Variants in GSE1 observed in about 807,000 individuals in gnomAD.
GSE1 encodes genetic suppressor element 1.
GSE1 carries 32 observed loss-of-function variants against 112.6 expected under a neutral mutation model. The ratio of observed to expected loss-of-function variants is 0.28; its 90% CI spans 0.21 to 0.38. The LOEUF is 0.38. Ranked by LOEUF, GSE1 falls within the 10% of genes least tolerant of loss-of-function variation. GSE1 has a pLI of 1.00. For synonymous variants in GSE1, 1,115 were observed against 735.6 expected, an observed-to-expected ratio of 1.52 and a Z score of -8.35; for missense variants, 2,348 against 1,699.2, an observed-to-expected ratio of 1.38 and a Z score of -6.71.
intron 1 of GSE1, among the ~76,000 whole-genome samples, chr16:85,632,348 C>G (rs990211316): frequency 1.7e-4 from 26 of 152,124 alleles, no homozygotes; most frequent in African/African-American, 6.3e-4. Context: ...TCTCTGTTCT[C>G]TCATTTGCAG....
chr16:85,249,334 G>A (rs1378794330), intron 1 of GSE1, among the ~76,000 whole-genome samples: 1 of 152,234 alleles, frequency 6.6e-6, no homozygotes, highest in African/African-American at 2.4e-5. Context: ...GCAGAAGGGG[G>A]CATGGGGCCC....
chr16:85,599,956 T>G (rs1448947014), intron 1 of GSE1, among the ~76,000 whole-genome samples: 2 of 152,134 alleles, frequency 1.3e-5, no homozygotes, highest in African/African-American at 4.8e-5. Context: ...CTCTCTAAAA[T>G]GGGAGGGCGG....
chr16:85,299,009 G>A (rs186160007), intron 1 of GSE1, among the ~76,000 whole-genome samples: 27 of 152,320 alleles, frequency 1.8e-4, no homozygotes, highest in Non-Finnish European at 3.5e-4. Flanking sequence ...GTCCGTCCTC[G>A]CTGCTGGAGG....
chr16:85,194,886 G>A (rs1343285105), intron 1 of GSE1, among the ~76,000 whole-genome samples: 4 of 152,122 alleles, frequency 2.6e-5, no homozygotes, highest in African/African-American at 9.7e-5. Flanking sequence ...TTTAAGAAGA[G>A]GCTAAAAGTG....
chr16:85,446,137 G>C (rs1022054931), intron 2 of GSE1, among the ~76,000 whole-genome samples: 1 of 152,176 alleles, frequency 6.6e-6, no homozygotes, highest in Non-Finnish European at 1.5e-5. Flanking sequence ...GCCTGGCCCT[G>C]GCATCCCACC....
At chr16:85,623,088 C>T (rs1463883093) in intron 1 of GSE1, among the ~76,000 whole-genome samples, 2 of 152,094 alleles carry the variant, frequency 1.3e-5, no homozygotes, top group Admixed American at 6.5e-5. Context: ...AAACTGGGCA[C>T]CTTCTCGTTG....
In GSE1 at chr16:85,648,748, G is replaced by T. The variant is rs143043046; in HGVS notation, c.423G>T (p.Arg141=). 1.3e-6 allele frequency: 2 copies of T among 1,577,550 alleles called. No homozygotes were observed. The highest frequency in any genetic ancestry group is 1.8e-5 in the Admixed American group (1 of 56,252). ...ATGGTGTCTGGAGGAGTGAGAGCCGGCAGGTGAGTGGGGCGGGGCAGGGAG... is the reference window on the plus strand; with the variant it reads ...ATGGTGTCTGGAGGAGTGAGAGCCGTCAGGTGAGTGGGGCGGGGCAGGGAG... ...TVNGVWRSES[R]QDAGSRSSSG... Residue 141 remains arginine, a synonymous_variant, in exon 3 of 16, where the codon CGG becomes CGT. Coordinates refer to ENST00000253458, the MANE Select transcript of GSE1 (RefSeq NM_014615.5).
intron 1 of GSE1, among the ~76,000 whole-genome samples, chr16:85,217,982 C>A (rs553834828): frequency 2.6e-4 from 39 of 152,204 alleles, no homozygotes; most frequent in African/African-American, 8.9e-4. Flanking sequence ...CCCACTGCAA[C>A]CTCTGCCTCC....
intron 2 of GSE1, among the ~76,000 whole-genome samples, chr16:85,425,341 C>G (rs2048948422): frequency 3.8e-5 from 2 of 52,040 alleles, no homozygotes; most frequent in South Asian, 7.2e-4. Context: ...GCAGCCCCAC[C>G]CCCAGGGCCA....
intron 1 of GSE1, among the ~76,000 whole-genome samples, chr16:85,275,616 C>T (rs1909280542): frequency 6.6e-6 from 1 of 152,218 alleles, no homozygotes. Flanking sequence ...CCCCAGGGTC[C>T]TTGGGGTCAA....
At position 85,633,916 on chromosome 16, in the gene GSE1, A is replaced by G. The variant is rs746536663; in HGVS notation, c.10A>G (p.Met4Val). 6 of 1,608,520 alleles carry G rather than the reference A, an allele frequency of 3.7e-6. No individual in the cohort carries two copies. Among genetic ancestry groups the G allele is most frequent in the Non-Finnish European group, 5.1e-6 (6 of 1,177,748 alleles). ...TGGTTCTTCTTTTCCTGTTTCAGGC[A>G]TGAGCCATGAGCCCAAGTCCCCTTC... The part of the protein sequence containing the change: MKG[M>V]SHEPKSPSLG... The change falls in exon 2 of 16, where the codon ATG becomes GTG. Residue 4 changes from methionine to valine, a missense_variant and splice_region_variant. Coordinates refer to ENST00000253458, the MANE Select transcript of GSE1 (RefSeq NM_014615.5).
chr16:85,254,422 G>C (rs1055437054), intron 1 of GSE1, among the ~76,000 whole-genome samples: 3 of 152,134 alleles, frequency 2.0e-5, no homozygotes, highest in African/African-American at 7.2e-5. Context: ...ACAGCGCCTC[G>C]CACACAGCAG....
intron 2 of GSE1, among the ~76,000 whole-genome samples, chr16:85,372,486 CAAAAAAAAAA>C (rs3030350): frequency 2.3e-5 from 2 of 87,556 alleles, no homozygotes; most frequent in African/African-American, 8.7e-5. Context: ...CTCTGTCTCA[CAAAAAAAAAA>C]AAAAAAAAAA....
At chr16:85,190,486 T>C (rs575741882) in intron 1 of GSE1, among the ~76,000 whole-genome samples, 1 of 152,390 alleles carries the variant, frequency 6.6e-6, no homozygotes, top group South Asian at 2.1e-4. Context: ...ATAACCTTGA[T>C]TGAAATTCCA....
chr16:85,312,210 G>C lies in GSE1; in HGVS notation c.2284-45253G>C, dbSNP rs890470485. 1.5e-4 allele frequency among the ~76,000 whole-genome samples: 23 copies of C among 151,608 alleles called. 3 individuals carry two copies. The highest frequency in any genetic ancestry group is 7.9e-4 in the Admixed American group (12 of 15,254). ...GGTCTCTCTGATCCTCTTGCGGGGGGGGGGGGGACACACTTACCCCCAAAC... is the reference window on the plus strand; with the variant it reads ...GGTCTCTCTGATCCTCTTGCGGGGGCGGGGGGGACACACTTACCCCCAAAC... On this transcript the variant is annotated intron_variant, in intron 1 of 2. Transcript: ENST00000637419.
At chr16:85,174,174 G>A (rs1303390972) in intron 1 of GSE1, among the ~76,000 whole-genome samples, 1 of 152,202 alleles carries the variant, frequency 6.6e-6, no homozygotes, top group Admixed American at 6.5e-5. Context: ...GCCTCCGTGG[G>A]CGGGAGGTGC....
At chr16:85,367,810 CA>C (rs2047215061) in intron 2 of GSE1, among the ~76,000 whole-genome samples, 1 of 149,670 alleles carries the variant, frequency 6.7e-6, no homozygotes, top group Non-Finnish European at 1.5e-5. Flanking sequence ...GAGACATGAC[CA>C]GGGGAGGGCA....
intron 1 of GSE1, among the ~76,000 whole-genome samples, chr16:85,342,475 A>C (rs2046644614): frequency 6.6e-6 from 1 of 152,070 alleles, no homozygotes; most frequent in Non-Finnish European, 1.5e-5. Flanking sequence ...TGTCACGCTC[A>C]TCTGCGGTGG....
At chr16:85,522,463 G>A (rs1256962642) in intron 2 of GSE1, among the ~76,000 whole-genome samples, 3 of 139,984 alleles carry the variant, frequency 2.1e-5, no homozygotes, top group Non-Finnish European at 4.6e-5. Flanking sequence ...CTTCCTGCCC[G>A]CCTCATCCAA....
Sources: gnomAD v4.1 joint callset for allele counts (sites outside exome capture counted in the v4.1 genomes callset) on GRCh38, gnomAD v4.1.1 for gene constraint, MANE v1.5 for transcripts, NCBI Gene and HGNC (gene_info 2026-07-23, HGNC 2026-07-21) for gene names.